ZNF385B: variants seen among roughly 807,000 people sequenced by gnomAD.
ZNF385B encodes zinc finger protein 385B, also known as zinc finger protein 533.
In ZNF385B, 23 loss-of-function variants were observed where a neutral mutation model predicts 39.2. The ratio of observed to expected loss-of-function variants is 0.59; its 90% CI spans 0.42 to 0.83. The LOEUF is 0.83. Among genes scored for constraint, ZNF385B ranks in the 40% least tolerant of loss-of-function variants. The pLI is 0.00. For missense variants in ZNF385B, 552 were observed against 598.9 expected (o/e 0.92, Z 0.82); for synonymous variants, 205 against 222.6 (o/e 0.92, Z 0.70).
intron 3 of ZNF385B, among the ~76,000 whole-genome samples, chr2:179,663,738 A>AAAAAAC (rs1694793758): frequency 2.0e-5 from 3 of 148,490 alleles, no homozygotes; most frequent in Non-Finnish European, 4.5e-5. Context: ...AAAAAAAAAA[A>AAAAAAC]TCTCATGAAA....
At chr2:179,703,996 C>G (rs1699402627) in intron 3 of ZNF385B, among the ~76,000 whole-genome samples, 1 of 152,158 alleles carries the variant, frequency 6.6e-6, no homozygotes, top group Non-Finnish European at 1.5e-5. Flanking sequence ...TGAATTTAAT[C>G]CCAAAAGTCA....
rs577359328 is a variant in ZNF385B, at chr2:179,590,064, A to G, written c.299-45095T>C. 1.4e-3 allele frequency among the ~76,000 whole-genome samples: 206 copies of G among 152,338 alleles called. 2 individuals carry two copies. Among genetic ancestry groups the G allele is most frequent in the Non-Finnish European group, 2.5e-3 (168 of 68,036 alleles). ...ATCTCTGCTATTGTGTGGGGTCTGT[A>G]TGTGACCCTGGAGAAGTCACCTAAC... is the stretch of plus-strand genomic sequence containing the variant. On this transcript the variant is annotated intron_variant, in intron 3 of 9. Coordinates refer to ENST00000410066, the MANE Select transcript of ZNF385B (RefSeq NM_152520.6).
chr2:179,486,985 T>A (rs1036979878), intron 5 of ZNF385B, among the ~76,000 whole-genome samples: 10 of 152,196 alleles, frequency 6.6e-5, no homozygotes, highest in African/African-American at 2.2e-4. Flanking sequence ...CTACAACGTA[T>A]CATAAGACCT....
At chr2:179,509,041 G>A (rs2057462085) in intron 5 of ZNF385B, among the ~76,000 whole-genome samples, 1 of 151,130 alleles carries the variant, frequency 6.6e-6, no homozygotes, top group Admixed American at 6.6e-5. Context: ...CTGCCTCCCA[G>A]GCTCATGCCA....
intron 4 of ZNF385B, among the ~76,000 whole-genome samples, chr2:179,543,712 G>A (rs2060062196): frequency 6.6e-6 from 1 of 151,678 alleles, no homozygotes; most frequent in Admixed American, 6.6e-5. Flanking sequence ...GCTCAAAGAA[G>A]ACAAAAACAT....
intron 4 of ZNF385B, chr2:179,536,380 G>C (rs972083883): frequency 1.3e-5 from 2 of 152,084 alleles, no homozygotes; most frequent in African/African-American, 2.4e-5. Context: ...CAGAAAATCT[G>C]ATGTCCCCTC....
chr2:179,687,701 T>C (rs1318787772), intron 3 of ZNF385B, among the ~76,000 whole-genome samples: 4 of 152,206 alleles, frequency 2.6e-5, no homozygotes. Context: ...AAGTTGTGGC[T>C]CTGAAGCACA....
chr2:179,777,161 T>G (rs953086762), intron 1 of ZNF385B, among the ~76,000 whole-genome samples: 1 of 151,724 alleles, frequency 6.6e-6, no homozygotes, highest in African/African-American at 2.4e-5. Context: ...GTTATGATCA[T>G]ATACAAATAG....
chr2:179,579,486 T>C (rs1293726215), intron 3 of ZNF385B, among the ~76,000 whole-genome samples: 4 of 152,124 alleles, frequency 2.6e-5, no homozygotes, highest in Admixed American at 1.3e-4. Context: ...TTAAAATATC[T>C]GCTAATTGTT....
rs941377247 is a variant in ZNF385B, at chr2:179,445,643, C to T, written c.1047G>A (p.Met349Ile). ...GTCCTGACCCCTTACTGCCATTCTGCATCTTTAATCTTGATCCAGGTCTAG... is the reference window on the plus strand; with the variant it reads ...GTCCTGACCCCTTACTGCCATTCTGTATCTTTAATCTTGATCCAGGTCTAG... ...SYPRPGSRLKMQNGSKGSGLQ... is the reference protein window; with the variant it reads ...SYPRPGSRLKIQNGSKGSGLQ... The change falls in exon 8 of 10, where the codon ATG (methionine) becomes ATA (isoleucine). Residue 349 changes from methionine to isoleucine, a missense_variant. Met to Ile is a conservative substitution (Grantham distance 10). Transcript: ENST00000410066. 3 of 1,614,094 alleles carry T rather than the reference C, an allele frequency of 1.9e-6. No homozygotes were observed. In the Admixed American group the frequency reaches 5.0e-5, roughly 27 times the overall value.
At chr2:179,452,668 TTAA>T (rs1282991728) in intron 6 of ZNF385B, among the ~76,000 whole-genome samples, 1 of 152,168 alleles carries the variant, frequency 6.6e-6, no homozygotes, top group Non-Finnish European at 1.5e-5. Flanking sequence ...AATTCAGTGG[TTAA>T]TAACAGATAC....
chr2:179,506,730 A>G (rs1438038912), intron 5 of ZNF385B, among the ~76,000 whole-genome samples: 2 of 152,112 alleles, frequency 1.3e-5, no homozygotes, highest in Non-Finnish European at 2.9e-5. Flanking sequence ...AAAGTTTATG[A>G]GTTTTTTTGT....
intron 6 of ZNF385B, among the ~76,000 whole-genome samples, chr2:179,459,852 C>T (rs1445728199): frequency 6.6e-6 from 1 of 151,324 alleles, no homozygotes; most frequent in Admixed American, 6.6e-5. Context: ...GCCTGTAATC[C>T]CAGCACTTTG....
chr2:179,838,966 G>A (rs1472402788), intron 1 of ZNF385B, among the ~76,000 whole-genome samples: 1 of 151,652 alleles, frequency 6.6e-6, no homozygotes, highest in Non-Finnish European at 1.5e-5. Context: ...CAAAAGTGTG[G>A]TCCTTTTAGC....
At chr2:179,498,877 AC>A (rs2056499658) in intron 5 of ZNF385B, among the ~76,000 whole-genome samples, 1 of 151,942 alleles carries the variant, frequency 6.6e-6, no homozygotes. Context: ...AATCAATGAA[AC>A]AAAAATTTGA....
intron 3 of ZNF385B, among the ~76,000 whole-genome samples, chr2:179,684,067 G>A (rs887256406): frequency 5.9e-5 from 9 of 152,184 alleles, no homozygotes; most frequent in East Asian, 3.9e-4. Flanking sequence ...CCTTGGAGCC[G>A]TCTAATAATA....
intron 3 of ZNF385B, among the ~76,000 whole-genome samples, chr2:179,575,631 C>G (rs1310366404): frequency 6.6e-6 from 1 of 151,962 alleles, no homozygotes; most frequent in Non-Finnish European, 1.5e-5. Context: ...CTGATTCTAC[C>G]TACTTTACTG....
chr2:179,817,373 A>C (rs1216683677), intron 1 of ZNF385B, among the ~76,000 whole-genome samples: 1 of 152,226 alleles, frequency 6.6e-6, no homozygotes, highest in Admixed American at 6.5e-5. Context: ...GCAATTTCTT[A>C]TCTACTTATG....
intron 4 of ZNF385B, among the ~76,000 whole-genome samples, chr2:179,529,095 G>C (rs2059106612): frequency 6.6e-6 from 1 of 152,160 alleles, no homozygotes; most frequent in African/African-American, 2.4e-5. Context: ...TCCTATTTGA[G>C]TTTTAAATGA....
Sources: allele counts gnomAD v4.1 joint callset (sites outside exome capture counted in the v4.1 genomes callset), GRCh38; gene constraint gnomAD v4.1.1; transcripts MANE v1.5; gene names NCBI Gene and HGNC (gene_info 2026-07-23, HGNC 2026-07-21).